MLLT1: variants seen among roughly 807,000 people sequenced by gnomAD.
MLLT1 encodes MLLT1 super elongation complex subunit.
Under a neutral mutation model 55.1 loss-of-function variants are expected in MLLT1, and 11 were observed. That is an observed-to-expected ratio of 0.20 (90% CI 0.13 to 0.33). The LOEUF (loss-of-function observed/expected upper bound fraction) is 0.33, where lower values mean the gene tolerates loss of function less well. MLLT1 is among the 10% of genes least tolerant of loss of function. The pLI is 1.00. For missense variants in MLLT1, 536 were observed against 760.6 expected (o/e 0.70, Z 3.47); for synonymous variants, 323 against 320.1 (o/e 1.01, Z -0.10).
Position 6,222,626 on chromosome 19 carries a change from C to A in MLLT1, c.605G>T (p.Arg202Leu). 6.3e-7 allele frequency: 1 copy of A among 1,588,130 alleles called. No homozygotes were observed. The highest frequency in any genetic ancestry group is 8.5e-7 in the Non-Finnish European group (1 of 1,173,506). The change falls in exon 6 of 12, where the codon CGG becomes CTG. Residue 202 changes from arginine (R) to leucine (L), a missense_variant. Physicochemically the swap from Arg to Leu is moderately radical, Grantham distance 102. This residue lies in a region of MLLT1 where 449 missense variants were observed against 489.0 expected (regional missense o/e 0.92). Transcript: ENST00000252674. This position sits in a 1 kb window ranked among gnomAD's most constrained non-coding sequence, Gnocchi z 4.1. ...SKPHKVTKEH[R>L]ERPRKDSESK... ...CTCGGAGTCTTTGCGGGGCCGCTCC[C>A]GGTGCTCCTTGGTCACCTTGTGTGG... is the stretch of plus-strand genomic sequence containing the variant.
intron 9 of MLLT1, 66 bp downstream of exon 9, chr19:6,213,873 G>C: frequency 1.0e-5 from 16 of 1,559,366 alleles, no homozygotes; most frequent in Non-Finnish European, 1.4e-5. Flanking sequence ...AACCCTCCTA[G>C]GACAGCCCGG....
chr19:6,278,229 G>A (rs1187158904), intron 1 of MLLT1, among the ~76,000 whole-genome samples: 1 of 152,208 alleles, frequency 6.6e-6, no homozygotes, highest in Non-Finnish European at 1.5e-5. Flanking sequence ...TGAAAGCCAG[G>A]GCAGCAGAGG....
intron 1 of MLLT1, among the ~76,000 whole-genome samples, chr19:6,276,788 T>C (rs1336495538): frequency 6.6e-6 from 1 of 151,928 alleles, no homozygotes; most frequent in East Asian, 1.9e-4. Context: ...AGCACAGACT[T>C]GGGGCGGAGG....
At chr19:6,215,395 G>A (rs1457273672) in intron 8 of MLLT1, among the ~76,000 whole-genome samples, 1 of 152,202 alleles carries the variant, frequency 6.6e-6, no homozygotes, top group Non-Finnish European at 1.5e-5. Context: ...CCTGTCCCAG[G>A]GACGCCACAG....
In MLLT1 at chr19:6,229,641, G is replaced by A. The variant is rs543662130; in HGVS notation, c.420+929C>T. Among the ~76,000 whole-genome samples the A allele has an allele frequency of 6.6e-6, 1 of 150,660 alleles. No individual in the cohort carries two copies. The highest frequency in any genetic ancestry group is 1.5e-5 in the Non-Finnish European group (1 of 67,670). On this transcript the variant is annotated intron_variant, in intron 4 of 11. Transcript: ENST00000252674. This position sits in a 1 kb window ranked among gnomAD's most constrained non-coding sequence, Gnocchi z 5.2. ...CACACGCCATGCACACACCATACAT[G>A]ACACAGCAGACAGCGTATGTACATA...
At chr19:6,242,925 G>A (rs1361209114) in intron 3 of MLLT1, among the ~76,000 whole-genome samples, 8 of 152,132 alleles carry the variant, frequency 5.3e-5, no homozygotes, top group Admixed American at 4.6e-4. Context: ...TGCCCCTCTC[G>A]GTTTTGCCAA....
In MLLT1 at chr19:6,243,258, G is replaced by A. The variant is rs544595458; in HGVS notation, c.277-12545C>T. On this transcript the variant is annotated intron_variant, in intron 3 of 11. Coordinates refer to ENST00000252674, the MANE Select transcript of MLLT1 (RefSeq NM_005934.4). ...GGGGGCCCCCACCCCGGGAAGGCTC[G>A]GGGAGGCCGGCAGCCCCCGGCCCCT... 9.2e-5 allele frequency among the ~76,000 whole-genome samples: 14 copies of A among 152,120 alleles called. No homozygotes were observed. In the East Asian group the frequency reaches 1.8e-3, roughly 19 times the overall value.
At position 6,233,910 on chromosome 19, in the gene MLLT1, G is replaced by A. The variant is rs548356894; in HGVS notation, c.277-3197C>T. On this transcript the variant is annotated intron_variant, in intron 3 of 11. Coordinates refer to ENST00000252674, the MANE Select transcript of MLLT1 (RefSeq NM_005934.4). ...CTTTAAGGAGACACTTGTCCCAGTG[G>A]GTCCCTGCCAAACTGGGAACCTGGG... 2.8e-3 allele frequency among the ~76,000 whole-genome samples: 428 copies of A among 152,332 alleles called. 1 individual carries two copies. Among genetic ancestry groups the A allele is most frequent in the African/African-American group, 9.5e-3 (395 of 41,584 alleles).
At chr19:6,241,921 C>T (rs1256216621) in intron 3 of MLLT1, among the ~76,000 whole-genome samples, 3 of 152,238 alleles carry the variant, frequency 2.0e-5, no homozygotes, top group South Asian at 2.1e-4. Context: ...CCACATCAAC[C>T]GGCCGATTGT....
chr19:6,226,614 G>A lies in MLLT1; in HGVS notation c.546+363C>T, dbSNP rs955601545. Among the ~76,000 whole-genome samples, 1 of 152,164 alleles carries A rather than the reference G, an allele frequency of 6.6e-6. No homozygotes were observed. The highest frequency in any genetic ancestry group is 2.4e-5 in the African/African-American group (1 of 41,458). ...CTCAGGAGGGTTGAAGAGGTGGGTA[G>A]CTGCAGCCTAGACAGAGACACTCTA... On this transcript the variant is annotated intron_variant, in intron 5 of 11. Coordinates refer to ENST00000252674, the MANE Select transcript of MLLT1 (RefSeq NM_005934.4). This position sits in a 1 kb window ranked among gnomAD's most constrained non-coding sequence, Gnocchi z 6.3.
rs898531747 is a variant in MLLT1 at position 6,213,980 on chromosome 19, C to T, written c.1366G>A (p.Glu456Lys). ...GGTGGCTTCTGGGGGGGTGGGGGCT[C>T]ACGGCTGGGCAGGGAGGAGTCGGCG... ...NSADSSLPSREPPPPQKPPPP... is the reference protein window; with the variant it reads ...NSADSSLPSRKPPPPQKPPPP... The change falls in exon 9 of 12, where the codon GAG becomes AAG. Residue 456 changes from glutamate to lysine, a missense_variant. This residue lies in a region of MLLT1 where 449 missense variants were observed against 489.0 expected (regional missense o/e 0.92). Coordinates refer to ENST00000252674, the MANE Select transcript of MLLT1 (RefSeq NM_005934.4). 5 of 1,459,722 alleles carry T rather than the reference C, an allele frequency of 3.4e-6. No individual in the cohort carries two copies. In the African/African-American group the frequency reaches 5.7e-5, roughly 17 times the overall value. The allele number at this position is 1,459,722 out of a possible 1,614,324, so 90.4% of individuals were successfully genotyped here.
At chr19:6,260,135 C>T (rs1452281242) in intron 3 of MLLT1, among the ~76,000 whole-genome samples, 1 of 151,904 alleles carries the variant, frequency 6.6e-6, no homozygotes, top group Non-Finnish European at 1.5e-5. Context: ...AATGAAGCCC[C>T]CAGGATCCCA....
rs1261294278 is a variant in MLLT1, at chr19:6,229,845, A to G, written c.420+725T>C. Reference sequence around the variant, plus strand: ...TGCCACACACAACACACGTACATACACATGACACACCACACACCGCACACG... The same window carrying G: ...TGCCACACACAACACACGTACATACGCATGACACACCACACACCGCACACG... On this transcript the variant is annotated intron_variant, in intron 4 of 11. Coordinates refer to ENST00000252674, the MANE Select transcript of MLLT1 (RefSeq NM_005934.4). This position sits in a 1 kb window ranked among gnomAD's most constrained non-coding sequence, Gnocchi z 5.2. Among the ~76,000 whole-genome samples, 5 of 151,644 alleles carry G rather than the reference A, an allele frequency of 3.3e-5. No individual in the cohort carries two copies. The East Asian group carries it at 9.8e-4, about 30-fold the overall frequency.
intron 3 of MLLT1, among the ~76,000 whole-genome samples, chr19:6,244,042 T>TAA (rs2091142560): frequency 1.6e-5 from 1 of 64,240 alleles, no homozygotes; most frequent in Admixed American, 2.1e-4. Context: ...AGACTCCACC[T>TAA]CAAAAAAAAA....
rs1283539336 is a variant in MLLT1, at chr19:6,230,573, G to T, written c.417C>A (p.Gly139=). ...GGCAGGGGCGGGGCACACTCACCCC[G>T]CCGGCCCGCAGGAGCTTGTACCGGA... ...TEFRYKLLRA[G]GVMVMPEGAD... The change falls in exon 4 of 12, where the codon GGC becomes GGA. Residue 139 remains glycine (G), a synonymous_variant. Coordinates refer to ENST00000252674, the MANE Select transcript of MLLT1 (RefSeq NM_005934.4). The surrounding 1 kb of genome is among the most constrained non-coding windows in gnomAD (Gnocchi z 9.0). 1 of 1,612,802 alleles carries T rather than the reference G, an allele frequency of 6.2e-7. No homozygotes were observed.
chr19:6,272,320 C>T (rs1208411926), intron 1 of MLLT1, among the ~76,000 whole-genome samples: 2 of 152,194 alleles, frequency 1.3e-5, no homozygotes, highest in Non-Finnish European at 2.9e-5. Flanking sequence ...AGTCCCAGAA[C>T]TGAGGAAATG....
intron 3 of MLLT1, among the ~76,000 whole-genome samples, chr19:6,250,904 T>C (rs540306821): frequency 1.8e-4 from 28 of 152,292 alleles, no homozygotes; most frequent in African/African-American, 6.7e-4. Flanking sequence ...GAATGTTACT[T>C]GGCCGTGAAA....
At position 6,216,419 on chromosome 19, in the gene MLLT1, C is replaced by T. The variant is rs147009998; in HGVS notation, c.1293G>A (p.Pro431=). 1.2e-5 allele frequency: 19 copies of T among 1,606,892 alleles called. No individual in the cohort carries two copies. The highest frequency in any genetic ancestry group is 1.0e-4 in the South Asian group (9 of 89,840). Reference sequence around the variant, plus strand: ...CGGGCCGTCACCTGGAGTCCCTCCCCGGGTTGGTCTTGCCGGCAGCCTCCT... The same window carrying T: ...CGGGCCGTCACCTGGAGTCCCTCCCTGGGTTGGTCTTGCCGGCAGCCTCCT... The part of the protein sequence containing the change: ...SGEEAAGKTN[P]GRDSRLSFSD... Residue 431 remains proline, a synonymous_variant, in exon 8 of 12, where the codon CCG becomes CCA. Coordinates refer to ENST00000252674, the MANE Select transcript of MLLT1 (RefSeq NM_005934.4).
Position 6,227,042 on chromosome 19 carries a change from A to C in MLLT1, c.481T>G (p.Leu161Val), listed in dbSNP as rs2090963009. Residue 161 changes from leucine (L) to valine (V), a missense_variant, in exon 5 of 12, where the codon TTA becomes GTA. Leu to Val is a conservative substitution (Grantham distance 32). Transcript: ENST00000252674. This position sits in a 1 kb window ranked among gnomAD's most constrained non-coding sequence, Gnocchi z 5.1. Reference protein sequence around the residue: ...VSRPSPDYPMLPTIPLSAFSD... With the variant: ...VSRPSPDYPMVPTIPLSAFSD... ...AAGGCAGAGAGTGGAATTGTGGGTA[A>C]CATGGGGTAGTCGGGACTGGGCCTG... is the stretch of plus-strand genomic sequence containing the variant. 6.2e-7 allele frequency: 1 copy of C among 1,607,210 alleles called. No individual in the cohort carries two copies.
Sources: allele counts gnomAD v4.1 joint callset (sites outside exome capture counted in the v4.1 genomes callset), GRCh38; gene constraint gnomAD v4.1.1; regional missense constraint gnomAD v4.1.1; non-coding constraint Gnocchi (gnomAD v3.1); transcripts MANE v1.5; gene names NCBI Gene and HGNC (gene_info 2026-07-23, HGNC 2026-07-21).